The following PTPRD variants were observed in gnomAD, a reference collection of about 807,000 sequenced individuals.
PTPRD encodes the protein protein tyrosine phosphatase receptor type D.
In PTPRD, 34 loss-of-function variants were observed where a neutral mutation model predicts 214.5. The ratio of observed to expected loss-of-function variants is 0.16; its 90% CI spans 0.12 to 0.21. The LOEUF is 0.21. Among genes scored for constraint, PTPRD ranks in the 10% least tolerant of loss-of-function variants. The pLI, the probability that PTPRD is intolerant of heterozygous loss-of-function variation, is 1.00. For synonymous variants in PTPRD, 1,128 were observed against 845.7 expected (o/e 1.33, Z -5.79); for missense variants, 2,545 against 2,398.7 (o/e 1.06, Z -1.27).
intron 11 of PTPRD, among the ~76,000 whole-genome samples, chr9:8,940,236 C>A (rs911599993): frequency 1.4e-5 from 2 of 145,056 alleles, no homozygotes; most frequent in African/African-American, 5.0e-5. Context: ...CCCCAGAAGA[C>A]TAAATTGACT....
At chr9:8,318,190 G>C (rs749451486) in intron 45 of PTPRD, among the ~76,000 whole-genome samples, 2 of 151,886 alleles carry the variant, frequency 1.3e-5, no homozygotes, top group African/African-American at 2.4e-5. Flanking sequence ...GTGGCAGGTC[G>C]AGTGAACATT....
At chr9:10,210,823 G>GTA (rs1554858798) in intron 3 of PTPRD, among the ~76,000 whole-genome samples, 3 of 72,488 alleles carry the variant, frequency 4.1e-5, no homozygotes, top group African/African-American at 1.8e-4. Flanking sequence ...ATATATATAT[G>GTA]TATGTATGTA....
chr9:9,314,979 C>A (rs1414337847), intron 9 of PTPRD, among the ~76,000 whole-genome samples: 1 of 151,920 alleles, frequency 6.6e-6, no homozygotes, highest in African/African-American at 2.4e-5. Context: ...TCTGCTCATT[C>A]CAGCTTCTTA....
intron 2 of PTPRD, among the ~76,000 whole-genome samples, chr9:10,573,042 C>A (rs928336770): frequency 3.3e-5 from 5 of 152,028 alleles, no homozygotes; most frequent in African/African-American, 1.2e-4. Flanking sequence ...GAGTTGTCAA[C>A]TGAAATTTGA....
intron 3 of PTPRD, among the ~76,000 whole-genome samples, chr9:10,295,796 C>T (rs1185094698): frequency 6.6e-6 from 1 of 152,012 alleles, no homozygotes. Flanking sequence ...GCCTTGAAAG[C>T]AGAGAACTTT....
At chr9:8,726,818 AAG>A (rs201212146) in intron 12 of PTPRD, among the ~76,000 whole-genome samples, 18 of 140,952 alleles carry the variant, frequency 1.3e-4, no homozygotes, top group African/African-American at 4.6e-4. Flanking sequence ...AAAAAAAAAA[AAG>A]ATTAGCTAAG....
chr9:9,351,922 G>C (rs1485463543), intron 9 of PTPRD, among the ~76,000 whole-genome samples: 1 of 151,890 alleles, frequency 6.6e-6, no homozygotes, highest in Non-Finnish European at 1.5e-5. Context: ...GATTAGTCTG[G>C]AACACAGTAA....
At chr9:9,882,683 A>G (rs998842654) in intron 5 of PTPRD, among the ~76,000 whole-genome samples, 1 of 152,110 alleles carries the variant, frequency 6.6e-6, no homozygotes, top group Non-Finnish European at 1.5e-5. Context: ...AAATGTCTTT[A>G]TGTTCCTGTT....
chr9:9,359,515 A>T (rs991765142), intron 9 of PTPRD, among the ~76,000 whole-genome samples: 1 of 151,214 alleles, frequency 6.6e-6, no homozygotes, highest in Non-Finnish European at 1.5e-5. Context: ...ACAAAGACTT[A>T]CCTAAAGAAC....
chr9:10,089,654 A>T (rs2098405516), intron 3 of PTPRD, among the ~76,000 whole-genome samples: 1 of 151,708 alleles, frequency 6.6e-6, no homozygotes, highest in Admixed American at 6.6e-5. Flanking sequence ...CAACAGAATA[A>T]GGTATAACTT....
At chr9:9,091,218 C>A (rs1284984839) in intron 10 of PTPRD, 2 of 1,364,904 alleles carry the variant, frequency 1.5e-6, no homozygotes, top group Non-Finnish European at 2.1e-6. Flanking sequence ...CGGGTGCTGC[C>A]CCACGTCCCC....
intron 34 of PTPRD, 151 bp from the exon 35 acceptor site, chr9:8,436,840 G>C (rs776784818): frequency 4.6e-6 from 3 of 649,344 alleles, no homozygotes; most frequent in East Asian, 2.8e-5. Context: ...AAATAGTTTG[G>C]TTACTCAAAG....
intron 11 of PTPRD, among the ~76,000 whole-genome samples, chr9:8,748,436 C>T (rs892255644): frequency 2.8e-5 from 4 of 145,302 alleles, no homozygotes; most frequent in Non-Finnish European, 6.0e-5. Context: ...GCATTCGAGC[C>T]GGCAACAGCA....
At chr9:8,454,003 G>C (rs1457108733) in intron 33 of PTPRD, among the ~76,000 whole-genome samples, 1 of 152,170 alleles carries the variant, frequency 6.6e-6, no homozygotes, top group African/African-American at 2.4e-5. Context: ...ATATGAGTTA[G>C]AAAGCTAGAG....
chr9:10,504,754 T>C (rs945954072), intron 2 of PTPRD, among the ~76,000 whole-genome samples: 6 of 152,206 alleles, frequency 3.9e-5, no homozygotes, highest in Non-Finnish European at 5.9e-5. Context: ...AAGAATTACG[T>C]ACTAAAATCT....
intron 11 of PTPRD, among the ~76,000 whole-genome samples, chr9:8,741,763 G>A (rs2091994875): frequency 1.3e-5 from 2 of 151,526 alleles, no homozygotes. Flanking sequence ...GCTAATTGTT[G>A]TATTTTTAGT....
chr9:8,492,480 T>C (rs1199791158), intron 27 of PTPRD, among the ~76,000 whole-genome samples: 2 of 152,190 alleles, frequency 1.3e-5, no homozygotes, highest in Non-Finnish European at 2.9e-5. Context: ...CATTTTATTA[T>C]ATACTCGTTT....
chr9:8,381,021 CA>C (rs1295439379), intron 37 of PTPRD, among the ~76,000 whole-genome samples: 1 of 152,118 alleles, frequency 6.6e-6, no homozygotes, highest in African/African-American at 2.4e-5. Context: ...ATTGCTAATC[CA>C]AAACGTATTT....
chr9:9,566,856 G>A (rs948218173), intron 8 of PTPRD, among the ~76,000 whole-genome samples: 1 of 151,864 alleles, frequency 6.6e-6, no homozygotes. Flanking sequence ...CCGAACATTC[G>A]CTCTGCTTAT....
Sources: gnomAD v4.1 joint callset for allele counts (sites outside exome capture counted in the v4.1 genomes callset) on GRCh38, gnomAD v4.1.1 for gene constraint, MANE v1.5 for transcripts, NCBI Gene and HGNC (gene_info 2026-07-23, HGNC 2026-07-21) for gene names.